CDH13: variants seen among roughly 807,000 people sequenced by gnomAD.
CDH13 encodes cadherin 13.
A neutral mutation model predicts 63.8 loss-of-function variants in CDH13; 24 were observed. That is an observed-to-expected ratio of 0.38 (90% CI 0.27 to 0.53). The LOEUF (loss-of-function observed/expected upper bound fraction) is 0.53. CDH13 is among the 20% of genes least tolerant of loss of function. The probability of loss-of-function intolerance (pLI) is 0.85; values close to 1 mark genes in which losing one functional copy is unlikely to be tolerated. For missense variants in CDH13, 1,049 were observed against 903.1 expected, an observed-to-expected ratio of 1.16 and a Z score of -2.07; for synonymous variants, 503 against 355.3, an observed-to-expected ratio of 1.42 and a Z score of -4.67.
intron 4 of CDH13, among the ~76,000 whole-genome samples, chr16:83,203,532 A>G (rs2039093502): frequency 1.3e-5 from 2 of 151,396 alleles, no homozygotes; most frequent in Admixed American, 1.3e-4. Context: ...TAAAAATACA[A>G]AAAAATTAGC....
At chr16:83,484,403 G>A (rs928324892) in intron 6 of CDH13, among the ~76,000 whole-genome samples, 1 of 152,180 alleles carries the variant, frequency 6.6e-6, no homozygotes, top group South Asian at 2.1e-4. Flanking sequence ...ATCAGAAGAT[G>A]GGCCTTATAT....
intron 8 of CDH13, among the ~76,000 whole-genome samples, chr16:83,631,628 C>G (rs1205860116): frequency 6.6e-6 from 1 of 152,042 alleles, no homozygotes; most frequent in East Asian, 1.9e-4. Context: ...GGATGTCACT[C>G]CAGGATGCGC....
chr16:83,216,587 T>A (rs186027491), intron 4 of CDH13, among the ~76,000 whole-genome samples: 384 of 143,640 alleles, frequency 2.7e-3, no homozygotes, highest in African/African-American at 9.3e-3. Flanking sequence ...ATATATATAT[T>A]AATATATAAT....
chr16:83,043,845 A>T (rs1917547408), intron 3 of CDH13, among the ~76,000 whole-genome samples: 2 of 150,790 alleles, frequency 1.3e-5, no homozygotes, highest in South Asian at 4.2e-4. Flanking sequence ...AAAAAAAAAA[A>T]TCAATATGAA....
chr16:83,770,169 G>C (rs1914667870), intron 11 of CDH13, among the ~76,000 whole-genome samples: 2 of 152,122 alleles, frequency 1.3e-5, no homozygotes, highest in Non-Finnish European at 2.9e-5. Context: ...TCCTGGTTCA[G>C]TTCTACAGGC....
Position 82,996,070 on chromosome 16 carries a change from A to G in CDH13, c.158-35940A>G, listed in dbSNP as rs183717617. On this transcript the variant is annotated intron_variant, in intron 2 of 13. Transcript: ENST00000567109. ...CATATGGCTGTGCTTTACAAGATTA[A>G]AAGGCTTACCGGGCAAAAGCATAGC... Among the ~76,000 whole-genome samples, 121 of 152,234 alleles carry G rather than the reference A, an allele frequency of 7.9e-4. 1 individual carries two copies. Among genetic ancestry groups the G allele is most frequent in the Admixed American group, 1.5e-3 (23 of 15,290 alleles).
At chr16:83,049,422 C>T (rs897190056) in intron 3 of CDH13, among the ~76,000 whole-genome samples, 5 of 149,680 alleles carry the variant, frequency 3.3e-5, no homozygotes, top group Admixed American at 2.0e-4. Flanking sequence ...GCAAGCTCCA[C>T]CTCCTGGGTT....
intron 3 of CDH13, among the ~76,000 whole-genome samples, chr16:83,067,439 G>A (rs1295373386): frequency 6.6e-6 from 1 of 152,196 alleles, no homozygotes; most frequent in Non-Finnish European, 1.5e-5. Flanking sequence ...CTCAATGACA[G>A]CAAACAAGTA....
intron 2 of CDH13, among the ~76,000 whole-genome samples, chr16:82,883,957 G>C (rs1029417077): frequency 6.6e-6 from 1 of 152,136 alleles, no homozygotes; most frequent in Non-Finnish European, 1.5e-5. Context: ...TAACCTCCTA[G>C]TACCTCAGTT....
chr16:82,725,566 C>T (rs1323173947), intron 1 of CDH13, among the ~76,000 whole-genome samples: 2 of 152,178 alleles, frequency 1.3e-5, no homozygotes, highest in Non-Finnish European at 2.9e-5. Flanking sequence ...AACTATAAGC[C>T]TCATTCCTGG....
intron 5 of CDH13, among the ~76,000 whole-genome samples, chr16:83,277,767 A>C (rs1378879767): frequency 6.6e-6 from 1 of 152,184 alleles, no homozygotes; most frequent in Non-Finnish European, 1.5e-5. Context: ...AGGAAAATAC[A>C]GTTTTTAATT....
chr16:82,802,115 TC>T (rs764558560), intron 1 of CDH13, among the ~76,000 whole-genome samples: 802 of 57,484 alleles, frequency 0.014, 2 homozygotes, highest in Non-Finnish European at 0.019. Flanking sequence ...ATCATCTCCC[TC>T]TCATTGGTTG....
At chr16:83,014,729 T>TAA (rs36157010) in intron 2 of CDH13, among the ~76,000 whole-genome samples, 702 of 22,200 alleles carry the variant, frequency 0.032, 51 homozygotes, top group Non-Finnish European at 0.035. Context: ...AGACTCCATC[T>TAA]AAAAAAAAAA....
chr16:82,701,154 C>G (rs546950937), intron 1 of CDH13, among the ~76,000 whole-genome samples: 1 of 151,720 alleles, frequency 6.6e-6, no homozygotes, highest in Non-Finnish European at 1.5e-5. Context: ...TTTTTTATTT[C>G]TTTCTCTTCC....
intron 1 of CDH13, among the ~76,000 whole-genome samples, chr16:82,717,203 G>A (rs936288760): frequency 6.6e-6 from 1 of 151,974 alleles, no homozygotes; most frequent in Admixed American, 6.6e-5. Flanking sequence ...CCTGAACCTG[G>A]GCCCAGAGAT....
intron 5 of CDH13, among the ~76,000 whole-genome samples, chr16:83,300,612 G>A (rs2089711572): frequency 6.6e-6 from 1 of 152,134 alleles, no homozygotes; most frequent in Non-Finnish European, 1.5e-5. Flanking sequence ...ACGCAGTGTT[G>A]GACAACATGA....
intron 2 of CDH13, among the ~76,000 whole-genome samples, chr16:83,011,752 G>A (rs932340331): frequency 1.4e-4 from 21 of 152,048 alleles, no homozygotes; most frequent in African/African-American, 5.1e-4. Context: ...ATTTTCCAAT[G>A]CTCTTCAGCA....
intron 7 of CDH13, among the ~76,000 whole-genome samples, chr16:83,602,093 AAAAAGAACAACAAC>A (rs1464724062): frequency 1.3e-5 from 1 of 79,354 alleles, no homozygotes; most frequent in African/African-American, 5.7e-5. Context: ...AAAAAAAAAA[AAAAAGAACAACAAC>A]AAAAAAAAAA....
chr16:83,520,950 G>C (rs561379480), intron 7 of CDH13, among the ~76,000 whole-genome samples: 1 of 152,088 alleles, frequency 6.6e-6, no homozygotes, highest in African/African-American at 2.4e-5. Flanking sequence ...CACAGGAAGT[G>C]CCTCTCCTCA....
Sources: allele counts gnomAD v4.1 joint callset (sites outside exome capture counted in the v4.1 genomes callset), GRCh38; gene constraint gnomAD v4.1.1; transcripts MANE v1.5; gene names NCBI Gene and HGNC (gene_info 2026-07-23, HGNC 2026-07-21).